The following SGCD variants were observed in gnomAD, a reference collection of about 807,000 sequenced individuals.
SGCD encodes sarcoglycan delta, also known as delta-sarcoglycan.
Under a neutral mutation model 36.6 loss-of-function variants are expected in SGCD, and 18 were observed. The observed-to-expected ratio is 0.49, with a 90% CI of 0.34 to 0.73. SGCD has a LOEUF of 0.73. Ranked by LOEUF, SGCD falls within the 30% of genes least tolerant of loss-of-function variation. The probability of loss-of-function intolerance (pLI) is 0.01; values close to 1 mark genes in which losing one functional copy is unlikely to be tolerated. For synonymous variants in SGCD, 133 were observed against 130.6 expected (o/e 1.02, Z -0.12); for missense variants, 387 against 346.7 (o/e 1.12, Z -0.92).
chr5:156,389,164 G>A (rs184773387), intron 3 of SGCD, among the ~76,000 whole-genome samples: 21 of 152,256 alleles, frequency 1.4e-4, no homozygotes, highest in African/African-American at 4.6e-4. Context: ...TTATTCCCCT[G>A]GGACTTCTGT....
intron 1 of SGCD, among the ~76,000 whole-genome samples, chr5:155,939,929 G>T (rs1757289722): frequency 6.6e-6 from 1 of 151,442 alleles, no homozygotes; most frequent in South Asian, 2.1e-4. Flanking sequence ...CTCCTCCTGG[G>T]TTCAAGAGAT....
chr5:156,294,443 A>G (rs1766843373), intron 3 of SGCD, among the ~76,000 whole-genome samples: 1 of 152,122 alleles, frequency 6.6e-6, no homozygotes, highest in South Asian at 2.1e-4. Flanking sequence ...AAAAGTAAAA[A>G]AAAAGCAAAA....
chr5:156,316,218 G>C (rs1452733389), intron 3 of SGCD, among the ~76,000 whole-genome samples: 1 of 151,842 alleles, frequency 6.6e-6, no homozygotes, highest in Non-Finnish European at 1.5e-5. Context: ...CAGTTCCCTA[G>C]CATCAAAAAT....
rs201356000 is a variant in SGCD, at chr5:155,941,538, ATAT to A, written c.-282+71122_-282+71124del. Among the ~76,000 whole-genome samples the A allele has an allele frequency of 4.4e-3, 671 of 150,994 alleles. 6 individuals carry two copies. The highest frequency in any genetic ancestry group is 0.015 in the African/African-American group (626 of 41,270). Reference sequence around the variant, plus strand: ...ATTATATTGCTATTAATAACCATTGATATTATTATTTAAATAATTATATTGCTG... The same window carrying A: ...ATTATATTGCTATTAATAACCATTGATATTATTTAAATAATTATATTGCTG... On this transcript the variant is annotated intron_variant, in intron 1 of 9. Coordinates refer to the SGCD transcript ENST00000517913.
intron 7 of SGCD, among the ~76,000 whole-genome samples, chr5:156,662,362 G>GAAATGTATAACAGTCAATTAATTT (rs1763964432): frequency 7.0e-6 from 1 of 143,558 alleles, no homozygotes; most frequent in Admixed American, 6.9e-5. Flanking sequence ...TCTGCTTGCA[G>GAAATGTATAACAGTCAATTAATTT]AAATGTATAA....
the SGCD span, among the ~76,000 whole-genome samples, chr5:155,743,887 A>C: frequency 1.3e-5 from 2 of 152,224 alleles, no homozygotes; most frequent in Non-Finnish European, 1.5e-5. Context: ...GAAAGTAAGA[A>C]ATCTGAACCC....
At chr5:155,962,466 C>G (rs776996264) in intron 1 of SGCD, among the ~76,000 whole-genome samples, 5 of 152,072 alleles carry the variant, frequency 3.3e-5, no homozygotes, top group African/African-American at 4.8e-5. Context: ...TGGATACTGT[C>G]CAGTGGTTTC....
At chr5:156,264,259 T>A (rs1765947247) in intron 3 of SGCD, among the ~76,000 whole-genome samples, 1 of 152,112 alleles carries the variant, frequency 6.6e-6, no homozygotes, top group Non-Finnish European at 1.5e-5. Context: ...GAGGCAAGAC[T>A]AAGTCCCCAG....
At chr5:156,007,772 A>AAAAC (rs759240220) in intron 1 of SGCD, among the ~76,000 whole-genome samples, 18 of 152,352 alleles carry the variant, frequency 1.2e-4, no homozygotes, top group Non-Finnish European at 2.2e-4. Flanking sequence ...TTATAAAACA[A>AAAAC]AAACAAACAA....
the SGCD span, among the ~76,000 whole-genome samples, chr5:155,791,334 C>T: frequency 2.6e-5 from 4 of 152,070 alleles, no homozygotes; most frequent in South Asian, 8.3e-4. Flanking sequence ...TAGAACCATT[C>T]CTCTCGAGAA....
At chr5:155,753,828 T>A in the SGCD span, among the ~76,000 whole-genome samples, 1 of 152,180 alleles carries the variant, frequency 6.6e-6, no homozygotes, top group Non-Finnish European at 1.5e-5. Context: ...GATATGCATG[T>A]GCAATGCTGG....
intron 3 of SGCD, among the ~76,000 whole-genome samples, chr5:156,194,105 G>A (rs1763962625): frequency 6.6e-6 from 1 of 152,206 alleles, no homozygotes; most frequent in Non-Finnish European, 1.5e-5. Flanking sequence ...GTTGGGTGCT[G>A]TGGCTCATGC....
intron 3 of SGCD, chr5:156,393,785 A>C (rs548960424): frequency 2.2e-6 from 1 of 456,302 alleles, no homozygotes; most frequent in East Asian, 6.9e-5. Context: ...TTAACTGGCT[A>C]TTCAGATGTT....
At chr5:156,550,657 G>T (rs1561772326) in intron 4 of SGCD, among the ~76,000 whole-genome samples, 1 of 152,186 alleles carries the variant, frequency 6.6e-6, no homozygotes, top group Non-Finnish European at 1.5e-5. Flanking sequence ...TTGTGGAGGA[G>T]TTGTTTGAGA....
chr5:156,023,810 C>G (rs751430292), intron 1 of SGCD, among the ~76,000 whole-genome samples: 3 of 151,636 alleles, frequency 2.0e-5, no homozygotes, highest in Non-Finnish European at 2.9e-5. Context: ...AGAGTTTTCA[C>G]GAAGCTCTGC....
intron 1 of SGCD, among the ~76,000 whole-genome samples, chr5:156,107,054 CTAATTAAG>C (rs1234530871): frequency 6.6e-6 from 1 of 152,062 alleles, no homozygotes; most frequent in Non-Finnish European, 1.5e-5. Flanking sequence ...AGGCTGAGGT[CTAATTAAG>C]TTCTTTTCTG....
intron 1 of SGCD, among the ~76,000 whole-genome samples, chr5:156,014,042 C>G (rs1041609047): frequency 1.3e-5 from 2 of 151,314 alleles, no homozygotes; most frequent in East Asian, 3.9e-4. Context: ...TAGCATTTTG[C>G]TGGATCAATC....
chr5:155,946,311 G>T (rs1035288634), intron 1 of SGCD, among the ~76,000 whole-genome samples: 3 of 152,090 alleles, frequency 2.0e-5, no homozygotes, highest in African/African-American at 7.2e-5. Flanking sequence ...TATAGTTGAG[G>T]ATATTGAGGT....
chr5:155,891,703 A>G (rs1178054683), intron 1 of SGCD, among the ~76,000 whole-genome samples: 4 of 151,816 alleles, frequency 2.6e-5, no homozygotes, highest in Non-Finnish European at 5.9e-5. Context: ...GAAAAATGAC[A>G]TTGAAGTTGG....
Sources: gnomAD v4.1 joint callset for allele counts (sites outside exome capture counted in the v4.1 genomes callset) on GRCh38, gnomAD v4.1.1 for gene constraint, MANE v1.5 for transcripts, NCBI Gene and HGNC (gene_info 2026-07-23, HGNC 2026-07-21) for gene names.